Variants in RGS6 observed in about 807,000 individuals in gnomAD.
RGS6 encodes regulator of G-protein signaling 6.
A neutral mutation model predicts 78.5 loss-of-function variants in RGS6; 30 were observed. That is an observed-to-expected ratio of 0.38 (90% CI 0.29 to 0.52). RGS6 has a LOEUF of 0.52. Among genes scored for constraint, RGS6 ranks in the 20% least tolerant of loss-of-function variants. RGS6 has a pLI of 0.85. For missense variants in RGS6, 495 were observed against 609.7 expected (o/e 0.81, Z 1.98); for synonymous variants, 206 against 206.0 (o/e 1.00, Z 0.00).
intron 2 of RGS6, among the ~76,000 whole-genome samples, chr14:72,162,173 A>G (rs546016478): frequency 6.1e-5 from 7 of 115,312 alleles, no homozygotes; most frequent in African/African-American, 2.4e-4. Flanking sequence ...AAAATACCTA[A>G]TTAGTACAGC....
chr14:72,406,576 CA>C (rs1423878512), intron 3 of RGS6, among the ~76,000 whole-genome samples: 1 of 152,118 alleles, frequency 6.6e-6, no homozygotes, highest in African/African-American at 2.4e-5. Flanking sequence ...GGCTGGAAGT[CA>C]GGGGGTGGGT....
chr14:72,038,200 C>G lies in RGS6; in HGVS notation c.84+73325C>G, dbSNP rs1298589669. Among the ~76,000 whole-genome samples the G allele has an allele frequency of 1.2e-4, 19 of 152,064 alleles. 1 individual carries two copies. On this transcript the variant is annotated intron_variant, in intron 2 of 17. Transcript: ENST00000553525. ...GGCCAGTCTTGTCTTGAACTCCTGGCCTCAATCAATCCGCCTGCCTCAGCC... is the reference window on the plus strand; with the variant it reads ...GGCCAGTCTTGTCTTGAACTCCTGGGCTCAATCAATCCGCCTGCCTCAGCC...
intron 2 of RGS6, among the ~76,000 whole-genome samples, chr14:72,244,318 G>A (rs1520327): frequency 0.06 from 8,607 of 142,474 alleles, 364 homozygotes; most frequent in East Asian, 0.28. Flanking sequence ...TTTCTCAAAT[G>A]TCAACCCTAC....
At chr14:72,321,190 A>C (rs935262704) in intron 2 of RGS6, among the ~76,000 whole-genome samples, 1 of 152,010 alleles carries the variant, frequency 6.6e-6, no homozygotes, top group Non-Finnish European at 1.5e-5. Context: ...TAGCTAAATA[A>C]GGGTTAGTTA....
At chr14:72,245,262 G>T (rs1377374182) in intron 2 of RGS6, among the ~76,000 whole-genome samples, 1 of 152,204 alleles carries the variant, frequency 6.6e-6, no homozygotes, top group Non-Finnish European at 1.5e-5. Flanking sequence ...CTCAGTGGGG[G>T]AGACCCTAAC....
At chr14:72,539,386 C>T (rs1288750405) in intron 16 of RGS6, among the ~76,000 whole-genome samples, 1 of 152,204 alleles carries the variant, frequency 6.6e-6, no homozygotes, top group Non-Finnish European at 1.5e-5. Context: ...GACCCTTTGT[C>T]CATGGCAAAG....
chr14:72,551,426 G>C (rs147345718), intron 17 of RGS6, among the ~76,000 whole-genome samples: 2 of 152,282 alleles, frequency 1.3e-5, no homozygotes, highest in East Asian at 3.9e-4. Flanking sequence ...CTCACTACCT[G>C]TGTCTCAAAA....
chr14:71,940,114 G>A (rs1366860083), intron 1 of RGS6, among the ~76,000 whole-genome samples: 4 of 152,178 alleles, frequency 2.6e-5, no homozygotes, highest in African/African-American at 9.7e-5. Flanking sequence ...ACTTGCATAA[G>A]CCCCTAGCTT....
intron 17 of RGS6, chr14:72,541,443 C>G (rs914002522): frequency 1.3e-6 from 2 of 1,534,038 alleles, no homozygotes; most frequent in Non-Finnish European, 1.7e-6. Flanking sequence ...TCTTCCCTCT[C>G]TGTGGCCTTT....
chr14:72,193,925 A>G (rs1301677085), intron 2 of RGS6, among the ~76,000 whole-genome samples: 1 of 152,148 alleles, frequency 6.6e-6, no homozygotes, highest in Non-Finnish European at 1.5e-5. Context: ...TGCTGCTCAT[A>G]TCTGTTCTGG....
At chr14:72,480,379 T>C (rs2096347562) in intron 12 of RGS6, among the ~76,000 whole-genome samples, 1 of 152,136 alleles carries the variant, frequency 6.6e-6, no homozygotes, top group Non-Finnish European at 1.5e-5. Flanking sequence ...GTTTGTTTGT[T>C]TCCTTGCTGT....
chr14:72,417,117 A>G (rs1668500083), intron 3 of RGS6, among the ~76,000 whole-genome samples: 1 of 152,206 alleles, frequency 6.6e-6, no homozygotes, highest in Admixed American at 6.5e-5. Context: ...TGCCACCTGC[A>G]TGAAGGGCAG....
chr14:72,487,083 C>A (rs2153388372), intron 12 of RGS6, among the ~76,000 whole-genome samples: 1 of 151,928 alleles, frequency 6.6e-6, no homozygotes, highest in East Asian at 1.9e-4. Context: ...CCCAGGTCAC[C>A]CATGGGAAAC....
chr14:72,189,978 C>T (rs1310669304), intron 2 of RGS6, among the ~76,000 whole-genome samples: 1 of 152,130 alleles, frequency 6.6e-6, no homozygotes, highest in African/African-American at 2.4e-5. Context: ...AGTTCTCTCA[C>T]CCCCTGCAAA....
At chr14:72,615,108 G>C in the RGS6 span, among the ~76,000 whole-genome samples, 1 of 152,200 alleles carries the variant, frequency 6.6e-6, no homozygotes, top group Admixed American at 6.5e-5. Flanking sequence ...CTGAAGAGGG[G>C]CTAGGAGGGG....
intron 2 of RGS6, among the ~76,000 whole-genome samples, chr14:72,277,537 C>G (rs571833631): frequency 9.3e-4 from 142 of 152,062 alleles, no homozygotes; most frequent in Non-Finnish European, 1.7e-3. Flanking sequence ...TCAAAAGTTG[C>G]AGTGAGCCGA....
intron 7 of RGS6, among the ~76,000 whole-genome samples, chr14:72,466,767 A>T (rs2153276111): frequency 6.6e-6 from 1 of 152,338 alleles, no homozygotes; most frequent in South Asian, 2.1e-4. Flanking sequence ...CTGTATCCTG[A>T]TCGTGGTGGT....
chr14:72,367,786 ATGTGACCTGG>A (rs2082707442), intron 3 of RGS6, among the ~76,000 whole-genome samples: 1 of 152,230 alleles, frequency 6.6e-6, no homozygotes, highest in Non-Finnish European at 1.5e-5. Flanking sequence ...CAAACAGCCT[ATGTGACCTGG>A]GTTGGTCACT....
intron 2 of RGS6, among the ~76,000 whole-genome samples, chr14:72,321,602 A>G (rs568047453): frequency 1.2e-4 from 19 of 152,088 alleles, no homozygotes; most frequent in Non-Finnish European, 2.5e-4. Context: ...GCATTAAACA[A>G]GAAACATAAA....
Sources: gnomAD v4.1 joint callset for allele counts (sites outside exome capture counted in the v4.1 genomes callset) on GRCh38, gnomAD v4.1.1 for gene constraint, MANE v1.5 for transcripts, NCBI Gene and HGNC (gene_info 2026-07-23, HGNC 2026-07-21) for gene names.